TAFA4: variants seen among roughly 807,000 people sequenced by gnomAD.
The protein encoded by TAFA4 is TAFA chemokine like family member 4.
Under a neutral mutation model 21.1 loss-of-function variants are expected in TAFA4, and 20 were observed. The ratio of observed to expected loss-of-function variants is 0.95; its 90% CI spans 0.67 to 1.38. TAFA4 has a LOEUF of 1.38. TAFA4 is among the 40% of genes most tolerant of loss of function. The pLI is 0.00. For synonymous variants in TAFA4, 71 were observed against 67.4 expected, an observed-to-expected ratio of 1.05 and a Z score of -0.26; for missense variants, 211 against 180.9, an observed-to-expected ratio of 1.17 and a Z score of -0.95.
At position 68,814,295 on chromosome 3, in the gene TAFA4, T is replaced by A. The variant is rs567814749; in HGVS notation, c.131-61277A>T. Among the ~76,000 whole-genome samples, 14 of 152,236 alleles carry A rather than the reference T, an allele frequency of 9.2e-5. No individual in the cohort carries two copies. The East Asian group carries it at 2.7e-3, about 29-fold the overall frequency. On this transcript the variant is annotated intron_variant, in intron 3 of 5. Coordinates refer to ENST00000295569, the MANE Select transcript of TAFA4 (RefSeq NM_182522.5). ...CCTCTCTCACCACTCCTGGTCAACATAGTGTTGGAAGTTCTGGCCAGGGCA... is the reference window on the plus strand; with the variant it reads ...CCTCTCTCACCACTCCTGGTCAACAAAGTGTTGGAAGTTCTGGCCAGGGCA...
chr3:68,785,654 T>G (rs564043244), intron 3 of TAFA4, among the ~76,000 whole-genome samples: 420 of 152,260 alleles, frequency 2.8e-3, no homozygotes, highest in African/African-American at 9.6e-3. Flanking sequence ...TCTCCCTCCA[T>G]ACCTCCCAGC....
intron 3 of TAFA4, among the ~76,000 whole-genome samples, chr3:68,806,521 A>G (rs1017525159): frequency 1.3e-5 from 2 of 152,192 alleles, no homozygotes; most frequent in Non-Finnish European, 2.9e-5. Context: ...GAGTTGGCCA[A>G]GAGTATATAA....
At chr3:68,829,363 A>G (rs530460758) in intron 3 of TAFA4, among the ~76,000 whole-genome samples, 120 of 152,340 alleles carry the variant, frequency 7.9e-4, no homozygotes, top group Admixed American at 2.2e-3. Context: ...GATACGTTCC[A>G]TCAATACCTG....
At chr3:68,811,736 T>C (rs1278853578) in intron 3 of TAFA4, among the ~76,000 whole-genome samples, 3 of 152,238 alleles carry the variant, frequency 2.0e-5, no homozygotes, top group East Asian at 1.9e-4. Context: ...TGGAACCAAG[T>C]TGGAAAACAT....
At chr3:68,912,615 C>T (rs1227949116) in intron 1 of TAFA4, among the ~76,000 whole-genome samples, 1 of 152,244 alleles carries the variant, frequency 6.6e-6, no homozygotes, top group Non-Finnish European at 1.5e-5. Context: ...TGTGCCGCTG[C>T]ATTCAAAGAG....
At chr3:68,904,766 T>A (rs2089882359) in intron 1 of TAFA4, among the ~76,000 whole-genome samples, 1 of 152,152 alleles carries the variant, frequency 6.6e-6, no homozygotes, top group Non-Finnish European at 1.5e-5. Flanking sequence ...ATTTATCAAC[T>A]CCTCACTTCT....
chr3:68,867,201 A>G (rs1233939499), intron 3 of TAFA4, among the ~76,000 whole-genome samples: 4 of 152,126 alleles, frequency 2.6e-5, no homozygotes, highest in Non-Finnish European at 5.9e-5. Flanking sequence ...GCAGCTAATA[A>G]CATGTTGAGG....
chr3:68,894,182 A>G (rs1193263004), intron 1 of TAFA4, among the ~76,000 whole-genome samples: 1 of 146,658 alleles, frequency 6.8e-6, no homozygotes, highest in East Asian at 2.0e-4. Flanking sequence ...TTTTGGAGAC[A>G]GAGTCTCACT....
intron 3 of TAFA4, among the ~76,000 whole-genome samples, chr3:68,816,374 C>A (rs1357097521): frequency 5.3e-5 from 8 of 152,052 alleles, no homozygotes; most frequent in African/African-American, 1.9e-4. Flanking sequence ...CATTTATTTG[C>A]CACTTCTTCA....
intron 3 of TAFA4, among the ~76,000 whole-genome samples, chr3:68,844,495 G>A (rs1317600822): frequency 2.7e-5 from 4 of 150,908 alleles, no homozygotes; most frequent in African/African-American, 9.7e-5. Context: ...CTTTTTTGAA[G>A]GGTTTTTCAT....
intron 3 of TAFA4, among the ~76,000 whole-genome samples, chr3:68,875,750 A>G (rs2089542598): frequency 6.6e-6 from 1 of 152,096 alleles, no homozygotes; most frequent in Admixed American, 6.6e-5. Context: ...ACACACACAC[A>G]CTGTCAAATT....
intron 3 of TAFA4, among the ~76,000 whole-genome samples, chr3:68,753,283 C>T (rs1272226799): frequency 2.0e-5 from 3 of 149,380 alleles, no homozygotes; most frequent in Non-Finnish European, 4.4e-5. Context: ...GGTTATGACA[C>T]ATTAATTACA....
intron 1 of TAFA4, among the ~76,000 whole-genome samples, chr3:68,918,590 T>C (rs1349414291): frequency 1.3e-5 from 2 of 152,260 alleles, no homozygotes. Flanking sequence ...CAAGCGGGAA[T>C]GCACTGGTGC....
chr3:68,900,465 T>C (rs1203074107), intron 1 of TAFA4, among the ~76,000 whole-genome samples: 2 of 152,038 alleles, frequency 1.3e-5, no homozygotes, highest in African/African-American at 2.4e-5. Flanking sequence ...GGCAAACACA[T>C]TCTTCTGTCC....
intron 1 of TAFA4, among the ~76,000 whole-genome samples, chr3:68,912,697 T>C (rs2089972129): frequency 6.6e-6 from 1 of 152,208 alleles, no homozygotes; most frequent in Non-Finnish European, 1.5e-5. Context: ...TGCTCCCAGA[T>C]TCATGGCTGT....
At chr3:68,869,798 T>C (rs574568499) in intron 3 of TAFA4, among the ~76,000 whole-genome samples, 1 of 151,994 alleles carries the variant, frequency 6.6e-6, no homozygotes, top group African/African-American at 2.4e-5. Context: ...AGATCTGGAA[T>C]AAGACAAGGA....
intron 3 of TAFA4, among the ~76,000 whole-genome samples, chr3:68,829,184 C>T (rs1410870029): frequency 6.6e-6 from 1 of 152,122 alleles, no homozygotes; most frequent in Non-Finnish European, 1.5e-5. Flanking sequence ...CAGCATGGTA[C>T]TAGTACCAAA....
chr3:68,801,361 T>C (rs1285985484), intron 3 of TAFA4, among the ~76,000 whole-genome samples: 1 of 152,214 alleles, frequency 6.6e-6, no homozygotes, highest in African/African-American at 2.4e-5. Context: ...CTGTGAATTT[T>C]GCTACAGCCT....
intron 3 of TAFA4, among the ~76,000 whole-genome samples, chr3:68,876,973 TC>T (rs1358136838): frequency 6.6e-6 from 1 of 152,126 alleles, no homozygotes; most frequent in Non-Finnish European, 1.5e-5. Flanking sequence ...AGAGGCTGAG[TC>T]CCGAAGAGGT....
Sources: allele counts gnomAD v4.1 joint callset (sites outside exome capture counted in the v4.1 genomes callset), GRCh38; gene constraint gnomAD v4.1.1; transcripts MANE v1.5; gene names NCBI Gene and HGNC (gene_info 2026-07-23, HGNC 2026-07-21).